MARCHF8: variants seen among roughly 807,000 people sequenced by gnomAD.
MARCHF8 encodes the protein membrane associated ring-CH-type finger 8, also known as E3 ubiquitin-protein ligase MARCHF8.
A neutral mutation model predicts 51.6 loss-of-function variants in MARCHF8; 40 were observed. The ratio of observed to expected loss-of-function variants is 0.77; its 90% CI spans 0.60 to 1.01. The LOEUF is 1.01. MARCHF8 is among the 50% of genes least tolerant of loss of function. MARCHF8 has a pLI of 0.00. For missense variants in MARCHF8, 685 were observed against 708.6 expected, an observed-to-expected ratio of 0.97 and a Z score of 0.38; for synonymous variants, 263 against 280.3, an observed-to-expected ratio of 0.94 and a Z score of 0.62.
chr10:45,494,216 C>T (rs373690817), intron 2 of MARCHF8, among the ~76,000 whole-genome samples: 2 of 152,230 alleles, frequency 1.3e-5, no homozygotes, highest in Non-Finnish European at 2.9e-5. Context: ...ATGTTTTTCA[C>T]AAGTCCACAT....
At chr10:45,555,085 C>T (rs2044236885) in intron 1 of MARCHF8, among the ~76,000 whole-genome samples, 3 of 151,452 alleles carry the variant, frequency 2.0e-5, no homozygotes, top group Middle Eastern at 3.2e-3. Context: ...AAACATTAGC[C>T]GGGCGTAGTG....
At chr10:45,570,946 G>GATAT (rs149579345) in intron 1 of MARCHF8, among the ~76,000 whole-genome samples, 3,742 of 152,140 alleles carry the variant, frequency 0.025, 155 homozygotes, top group African/African-American at 0.084. Flanking sequence ...AGTAAATGAA[G>GATAT]ATATATACCA....
chr10:45,551,016 A>C (rs983164317), intron 1 of MARCHF8, among the ~76,000 whole-genome samples: 1 of 152,188 alleles, frequency 6.6e-6, no homozygotes, highest in African/African-American at 2.4e-5. Context: ...CTGACATTTA[A>C]ATTGGCAGAC....
At chr10:45,592,606 G>C (rs2044693492) in intron 1 of MARCHF8, among the ~76,000 whole-genome samples, 1 of 152,116 alleles carries the variant, frequency 6.6e-6, no homozygotes, top group Non-Finnish European at 1.5e-5. Flanking sequence ...TGTGATTATA[G>C]CAGAAATGGA....
intron 2 of MARCHF8, among the ~76,000 whole-genome samples, chr10:45,525,200 G>A (rs1461596800): frequency 1.3e-5 from 2 of 152,148 alleles, no homozygotes; most frequent in African/African-American, 4.8e-5. Context: ...GAGCAAATAC[G>A]AAATTGTGTT....
intron 3 of MARCHF8, among the ~76,000 whole-genome samples, chr10:45,465,107 G>A (rs1005406684): frequency 2.6e-5 from 4 of 152,166 alleles, no homozygotes; most frequent in African/African-American, 9.7e-5. Flanking sequence ...AATGGACAGA[G>A]AGAAATAGGG....
At chr10:45,557,360 C>T (rs2044264014) in intron 1 of MARCHF8, among the ~76,000 whole-genome samples, 1 of 151,910 alleles carries the variant, frequency 6.6e-6, no homozygotes, top group South Asian at 2.1e-4. Flanking sequence ...AACTCCTGAC[C>T]TCAGGTGATC....
At chr10:45,590,329 A>G (rs1007921117) in intron 1 of MARCHF8, among the ~76,000 whole-genome samples, 7 of 152,178 alleles carry the variant, frequency 4.6e-5, no homozygotes, top group Non-Finnish European at 1.0e-4. Flanking sequence ...TGACTGAGGT[A>G]TAAGAGTTCC....
At chr10:45,554,934 T>G (rs2133348690) in intron 1 of MARCHF8, among the ~76,000 whole-genome samples, 1 of 151,878 alleles carries the variant, frequency 6.6e-6, no homozygotes, top group East Asian at 1.9e-4. Flanking sequence ...GCGCACCTGT[T>G]GTCCCAGCTA....
rs553303208 is a variant in MARCHF8 at position 45,535,319 on chromosome 10, C to A, written c.-187G>T. On this transcript the variant is annotated 5_prime_UTR_variant, in exon 1 of 8. Coordinates refer to ENST00000453424, the MANE Select transcript of MARCHF8 (RefSeq NM_001282866.2). Reference sequence around the variant, plus strand: ...ATTACAGATGACAAACTCCATGGGGCCTCTTGGAATACTTGGTCAAACTGA... The same window carrying A: ...ATTACAGATGACAAACTCCATGGGGACTCTTGGAATACTTGGTCAAACTGA... 6.6e-6 allele frequency: 1 copy of A among 152,180 alleles called. No homozygotes were observed. The highest frequency in any genetic ancestry group is 6.5e-5 in the Admixed American group (1 of 15,272). 9.4% of individuals were successfully genotyped at this position (152,180 alleles called of 1,614,324 possible). A position where few individuals can be genotyped will look rare whatever the true frequency, so the allele number is the denominator to read the frequency against.
chr10:45,593,909 TAC>T (rs2044708237), intron 1 of MARCHF8, among the ~76,000 whole-genome samples: 1 of 152,198 alleles, frequency 6.6e-6, no homozygotes, highest in South Asian at 2.1e-4. Flanking sequence ...CTCAACTCCA[TAC>T]AGAGCTCCTC....
chr10:45,518,284 T>C (rs1363402492), intron 2 of MARCHF8, among the ~76,000 whole-genome samples: 1 of 152,200 alleles, frequency 6.6e-6, no homozygotes, highest in Non-Finnish European at 1.5e-5. Flanking sequence ...TGAGTATCTG[T>C]GATTCTACCA....
At chr10:45,511,489 G>C (rs2043503377) in intron 2 of MARCHF8, among the ~76,000 whole-genome samples, 1 of 152,198 alleles carries the variant, frequency 6.6e-6, no homozygotes, top group African/African-American at 2.4e-5. Context: ...TGCCATCTCG[G>C]CTCACTGCAA....
At chr10:45,483,348 A>G (rs554380493) in intron 3 of MARCHF8, among the ~76,000 whole-genome samples, 1 of 152,350 alleles carries the variant, frequency 6.6e-6, no homozygotes, top group African/African-American at 2.4e-5. Context: ...CATTTCTCAA[A>G]AAAAGACATG....
At chr10:45,561,846 A>G (rs1200050294) in intron 1 of MARCHF8, among the ~76,000 whole-genome samples, 1 of 147,082 alleles carries the variant, frequency 6.8e-6, no homozygotes, top group Non-Finnish European at 1.5e-5. Context: ...GCTTGCAGTG[A>G]GCCAAGATGG....
chr10:45,594,013 A>G (rs974996305), intron 1 of MARCHF8, among the ~76,000 whole-genome samples: 1 of 152,152 alleles, frequency 6.6e-6, no homozygotes, highest in African/African-American at 2.4e-5. Context: ...TTCCATTTTT[A>G]TTTATTTATT....
intron 2 of MARCHF8, among the ~76,000 whole-genome samples, chr10:45,505,632 G>C (rs2043365751): frequency 6.6e-6 from 1 of 152,202 alleles, no homozygotes; most frequent in African/African-American, 2.4e-5. Context: ...GGAGCTACAG[G>C]TGATTCTATC....
Position 45,463,441 on chromosome 10 carries a change from C to T in MARCHF8, c.798G>A (p.Ser266=), listed in dbSNP as rs765614353. ...RQLLQYLFSL[S]HGLSASSLHR... is the part of the protein sequence containing the mutation. Reference sequence around the variant, plus strand: ...GCAGGCTGCTGGCGCTCAAGCCGTGCGAGAGTGAGAACAGGTACTGGAGCA... The same window carrying T: ...GCAGGCTGCTGGCGCTCAAGCCGTGTGAGAGTGAGAACAGGTACTGGAGCA... Residue 266 remains serine, a synonymous_variant, in exon 5 of 8, where the codon TCG becomes TCA. Coordinates refer to ENST00000453424, the MANE Select transcript of MARCHF8 (RefSeq NM_001282866.2). The T allele has an allele frequency of 5.2e-6, 8 of 1,550,482 alleles. No homozygotes were observed. The East Asian group carries it at 9.8e-5, about 19-fold the overall frequency.
At chr10:45,551,154 T>C (rs2044189908) in intron 1 of MARCHF8, among the ~76,000 whole-genome samples, 1 of 152,116 alleles carries the variant, frequency 6.6e-6, no homozygotes, top group Non-Finnish European at 1.5e-5. Context: ...AGATATACAA[T>C]GAGAGTAATG....
Sources: allele counts gnomAD v4.1 joint callset (sites outside exome capture counted in the v4.1 genomes callset), GRCh38; gene constraint gnomAD v4.1.1; transcripts MANE v1.5; gene names NCBI Gene and HGNC (gene_info 2026-07-23, HGNC 2026-07-21).